The following GALK2 variants were observed in gnomAD, a reference collection of about 807,000 sequenced individuals.
GALK2 encodes the protein N-acetylgalactosamine kinase.
A neutral mutation model predicts 52.4 loss-of-function variants in GALK2; 36 were observed. The observed-to-expected ratio is 0.69, with a 90% CI of 0.53 to 0.91. The LOEUF (loss-of-function observed/expected upper bound fraction) is 0.91, where lower values mean the gene tolerates loss of function less well. GALK2 is among the 40% of genes least tolerant of loss of function. The probability of loss-of-function intolerance (pLI) is 0.00; values close to 1 mark genes in which losing one functional copy is unlikely to be tolerated. For synonymous variants in GALK2, 176 were observed against 199.1 expected (o/e 0.88, Z 0.98); for missense variants, 579 against 559.1 (o/e 1.04, Z -0.36).
At chr15:49,268,105 C>T (rs2092416803) in intron 5 of GALK2, among the ~76,000 whole-genome samples, 1 of 152,128 alleles carries the variant, frequency 6.6e-6, no homozygotes, top group Non-Finnish European at 1.5e-5. Flanking sequence ...TTCATTTATT[C>T]AGCATTCATT....
At chr15:49,281,203 G>A (rs1467329929) in intron 5 of GALK2, among the ~76,000 whole-genome samples, 1 of 152,144 alleles carries the variant, frequency 6.6e-6, no homozygotes, top group African/African-American at 2.4e-5. Flanking sequence ...CTGGATATTG[G>A]ACAAAAGTAC....
At chr15:49,310,356 G>C (rs1374311439) in intron 8 of GALK2, among the ~76,000 whole-genome samples, 1 of 152,168 alleles carries the variant, frequency 6.6e-6, no homozygotes, top group Non-Finnish European at 1.5e-5. Flanking sequence ...ATGGGGTACA[G>C]ATAGCCCTTT....
At chr15:49,292,661 A>G (rs2034054571) in intron 8 of GALK2, 124 bp downstream of exon 8, 3 of 717,140 alleles carry the variant, frequency 4.2e-6, no homozygotes, top group South Asian at 3.8e-5. Context: ...GGCAAGCTTA[A>G]TTATTTAGAA....
At chr15:49,217,994 G>A (rs2089516515) in intron 3 of GALK2, among the ~76,000 whole-genome samples, 1 of 152,072 alleles carries the variant, frequency 6.6e-6, no homozygotes, top group South Asian at 2.1e-4. Context: ...CTAATGTTGA[G>A]CCCTTTTTGC....
intron 5 of GALK2, among the ~76,000 whole-genome samples, chr15:49,258,790 A>ATGTGTGTG (rs1324911449): frequency 2.6e-5 from 3 of 115,534 alleles, no homozygotes; most frequent in African/African-American, 7.5e-5. Flanking sequence ...ATATATATAT[A>ATGTGTGTG]TATATGTGTG....
intron 2 of GALK2, among the ~76,000 whole-genome samples, chr15:49,207,876 C>G (rs1258225453): frequency 1.3e-5 from 2 of 152,180 alleles, no homozygotes; most frequent in African/African-American, 4.8e-5. Context: ...CACCCAGGTT[C>G]AAGCTTCTCC....
intron 2 of GALK2, among the ~76,000 whole-genome samples, chr15:49,213,991 G>A (rs946807590): frequency 1.3e-5 from 2 of 151,932 alleles, no homozygotes; most frequent in Non-Finnish European, 2.9e-5. Context: ...ATGGTGGCGG[G>A]TGCCTGTAGT....
chr15:49,363,311 T>G (rs1405994712), intron 3 of GALK2, among the ~76,000 whole-genome samples: 1 of 152,210 alleles, frequency 6.6e-6, no homozygotes, highest in Non-Finnish European at 1.5e-5. Flanking sequence ...AGCAATGTTT[T>G]GTAATTCTTG....
chr15:49,217,166 A>T (rs746831485), intron 2 of GALK2, 24 bp from the exon 3 acceptor site: 8 of 1,596,748 alleles, frequency 5.0e-6, no homozygotes, highest in South Asian at 2.2e-5. Context: ...AGCAATGATT[A>T]AAAAAGCTTT....
At chr15:49,308,883 A>C (rs1233719508) in intron 8 of GALK2, among the ~76,000 whole-genome samples, 2 of 152,238 alleles carry the variant, frequency 1.3e-5, no homozygotes, top group African/African-American at 4.8e-5. Context: ...AGATGGCAGC[A>C]GCCATAGTTT....
chr15:49,183,845 GAAA>G (rs1244289040), intron 1 of GALK2, among the ~76,000 whole-genome samples: 2 of 73,564 alleles, frequency 2.7e-5, no homozygotes, highest in Non-Finnish European at 3.0e-5. Context: ...CTTTGTCTCA[GAAA>G]AAAAAAAAAA....
chr15:49,281,596 G>A (rs1181485306), intron 5 of GALK2, among the ~76,000 whole-genome samples: 1 of 152,112 alleles, frequency 6.6e-6, no homozygotes, highest in Non-Finnish European at 1.5e-5. Context: ...GGTAGACTGT[G>A]GAATAGTAGT....
rs1239764424 is a variant in GALK2 at position 49,357,284 on chromosome 15, G to A, written c.427-10207G>A. On this transcript the variant is annotated intron_variant, in intron 3 of 3. Coordinates refer to the GALK2 transcript ENST00000558399. Reference sequence around the variant, plus strand: ...ACACAAAAAACCCTTCAAAAAATTAGTGAATCCAGGAGCTGGTTTTTTGAA... The same window carrying A: ...ACACAAAAAACCCTTCAAAAAATTAATGAATCCAGGAGCTGGTTTTTTGAA... 3.5e-4 allele frequency among the ~76,000 whole-genome samples: 51 copies of A among 147,658 alleles called. No homozygotes were observed. The South Asian group carries it at 8.1e-3, about 24-fold the overall frequency.
intron 5 of GALK2, among the ~76,000 whole-genome samples, chr15:49,280,831 ATTTTTTAT>A (rs965017764): frequency 1.3e-5 from 2 of 151,750 alleles, no homozygotes; most frequent in Non-Finnish European, 2.9e-5. Flanking sequence ...ATGAAGAAAG[ATTTTTTAT>A]TTTTTTATTT....
At position 49,241,660 on chromosome 15, in the gene GALK2, T is replaced by G. The variant is rs553343673; in HGVS notation, c.504+2293T>G. On this transcript the variant is annotated intron_variant, in intron 5 of 9. Coordinates refer to ENST00000560031, the MANE Select transcript of GALK2 (RefSeq NM_002044.4). ...TAAAGTTCAGTGGATACAAAAAGTC[T>G]GGTGATGCATAGAAAAAGATAATTT... is the stretch of plus-strand genomic sequence containing the variant. Among the ~76,000 whole-genome samples, 132 of 152,290 alleles carry G rather than the reference T, an allele frequency of 8.7e-4. 1 individual carries two copies. Among genetic ancestry groups the G allele is most frequent in the African/African-American group, 3.0e-3 (123 of 41,578 alleles).
intron 1 of GALK2, chr15:49,194,949 A>G (rs2087084431): frequency 6.0e-6 from 2 of 335,128 alleles, no homozygotes; most frequent in Admixed American, 7.9e-5. Context: ...TCCATAAGAA[A>G]AGCTTATTGG....
At chr15:49,365,121 A>T (rs2044902090) in intron 3 of GALK2, 1 of 708,034 alleles carries the variant, frequency 1.4e-6, no homozygotes, top group Non-Finnish European at 2.6e-6. Flanking sequence ...TCCACATAAT[A>T]TTATTGCTGG....
chr15:49,228,720 G>GTTTTTT (rs2090333187), intron 3 of GALK2, among the ~76,000 whole-genome samples: 1 of 54,838 alleles, frequency 1.8e-5, no homozygotes, highest in African/African-American at 1.0e-4. Flanking sequence ...TTGCGATGGA[G>GTTTTTT]TCTCAATCTG....
intron 1 of GALK2, chr15:49,194,155 A>T (rs1436788348): frequency 6.6e-6 from 1 of 152,022 alleles, no homozygotes; most frequent in Non-Finnish European, 1.5e-5. Context: ...GTGAAACCCC[A>T]TCTCTACTAA....
Sources: gnomAD v4.1 joint callset for allele counts (sites outside exome capture counted in the v4.1 genomes callset) on GRCh38, gnomAD v4.1.1 for gene constraint, MANE v1.5 for transcripts, NCBI Gene and HGNC (gene_info 2026-07-23, HGNC 2026-07-21) for gene names.